CRTC3: variants seen among roughly 807,000 people sequenced by gnomAD.
CRTC3 encodes the protein CREB regulated transcription coactivator 3, also known as CREB-regulated transcription coactivator 3.
Under a neutral mutation model 74.5 loss-of-function variants are expected in CRTC3, and 26 were observed. The observed-to-expected ratio is 0.35, with a 90% CI of 0.26 to 0.48. CRTC3 has a LOEUF of 0.48. CRTC3 is among the 20% of genes least tolerant of loss of function. CRTC3 has a pLI of 0.99. For synonymous variants in CRTC3, 377 were observed against 325.8 expected, an observed-to-expected ratio of 1.16 and a Z score of -1.69; for missense variants, 760 against 787.3, an observed-to-expected ratio of 0.97 and a Z score of 0.41.
In CRTC3 at chr15:90,643,761, G is replaced by C. The variant is rs1262194561; in HGVS notation, c.*1621G>C. 1.3e-5 allele frequency: 3 copies of C among 232,900 alleles called. No individual in the cohort carries two copies. Among genetic ancestry groups the C allele is most frequent in the Non-Finnish European group, 2.5e-5 (3 of 118,006 alleles). The allele number at this position is 232,900 out of a possible 1,614,324, so 14.4% of individuals were successfully genotyped here. ...GTCTAGGCTGTGAGAGGACAGGGTG[G>C]AGAGGAGGAGAACCCTGAAGGAGAG... On this transcript the variant is annotated 3_prime_UTR_variant, in exon 15 of 15. Transcript: ENST00000268184.
rs778318134 is a variant in CRTC3 at position 90,540,035 on chromosome 15, C to G, written c.133-4C>G. On this transcript the variant is annotated splice_region_variant and splice_polypyrimidine_tract_variant and intron_variant, in intron 1 of 14. Transcript: ENST00000268184. ...TCAGCGTTCTTAAATCACTTTGTTT[C>G]CAGGTTCAATTTCAGAAGCTTCAGC... The G allele has an allele frequency of 3.1e-6, 5 of 1,607,298 alleles. No homozygotes were observed. Among genetic ancestry groups the G allele is most frequent in the Non-Finnish European group, 4.3e-6 (5 of 1,174,170 alleles).
At chr15:90,581,815 C>T (rs1408990452) in intron 2 of CRTC3, among the ~76,000 whole-genome samples, 3 of 152,112 alleles carry the variant, frequency 2.0e-5, no homozygotes, top group Non-Finnish European at 1.5e-5. Flanking sequence ...TGAATCACAG[C>T]GGTGGATCTG....
chr15:90,641,281 A>G (rs934725278), intron 14 of CRTC3, 82 bp downstream of exon 14: 7 of 940,078 alleles, frequency 7.4e-6, no homozygotes, highest in Non-Finnish European at 1.2e-5. Context: ...TTTAAACAAC[A>G]TAATATTATA....
intron 5 of CRTC3, 54 bp downstream of exon 5, chr15:90,604,501 G>T: frequency 7.4e-7 from 1 of 1,344,830 alleles, no homozygotes; most frequent in South Asian, 1.2e-5. Context: ...TAACTGTCCT[G>T]ATATTTTTTA....
intron 6 of CRTC3, chr15:90,614,137 T>C (rs146653462): frequency 1.4e-3 from 375 of 261,194 alleles, no homozygotes; most frequent in African/African-American, 8.0e-3. Flanking sequence ...CCATCTATAC[T>C]TCTTTACTTT....
chr15:90,589,324 G>A (rs1335032833), intron 2 of CRTC3, among the ~76,000 whole-genome samples: 1 of 151,768 alleles, frequency 6.6e-6, no homozygotes, highest in Non-Finnish European at 1.5e-5. Flanking sequence ...CAAAGTGCTG[G>A]GATTACAGGC....
At chr15:90,626,225 C>T (rs925903550) in intron 10 of CRTC3, among the ~76,000 whole-genome samples, 2 of 152,224 alleles carry the variant, frequency 1.3e-5, no homozygotes, top group African/African-American at 2.4e-5. Flanking sequence ...CATCCTCACT[C>T]GCTGCTCTAT....
intron 2 of CRTC3, among the ~76,000 whole-genome samples, chr15:90,562,637 G>A (rs77472222): frequency 0.053 from 8,022 of 151,852 alleles, 286 homozygotes; most frequent in Middle Eastern, 0.088. Context: ...TCACTCCCCC[G>A]GCCACCTGAG....
At chr15:90,559,366 A>G (rs1251762039) in intron 2 of CRTC3, among the ~76,000 whole-genome samples, 1 of 152,212 alleles carries the variant, frequency 6.6e-6, no homozygotes, top group Non-Finnish European at 1.5e-5. Context: ...GACCTGAGCC[A>G]CCACACAAGT....
chr15:90,641,989 A>T lies in CRTC3; in HGVS notation c.1709A>T (p.Glu570Val), dbSNP rs756155791. The T allele has an allele frequency of 6.2e-7, 1 of 1,613,864 alleles. No individual in the cohort carries two copies. The highest frequency in any genetic ancestry group is 1.7e-4 in the Middle Eastern group (1 of 6,058). Residue 570 changes from glutamate (E) to valine (V), a missense_variant, in exon 15 of 15, where the codon GAG becomes GTG. Physicochemically the swap from Glu to Val is moderately radical, Grantham distance 121. Around this residue, in one of 2 missense-constraint regions of CRTC3, gnomAD observed 652 missense variants for 635.2 expected, o/e 1.03. Transcript: ENST00000268184. Reference protein sequence around the residue: ...DLNSALAGLPEVSLNVDTPFP... With the variant: ...DLNSALAGLPVVSLNVDTPFP... ...AACAGTGCGCTGGCAGGCCTGCCTG[A>T]GGTCAGCCTGAACGTGGACACTCCA...
chr15:90,616,241 A>T (rs1361095554), intron 7 of CRTC3, among the ~76,000 whole-genome samples: 1 of 152,226 alleles, frequency 6.6e-6, no homozygotes, highest in Non-Finnish European at 1.5e-5. Context: ...GGCCTGGTTT[A>T]GCAGAAATGA....
At chr15:90,619,361 G>C (rs1348851458) in intron 8 of CRTC3, among the ~76,000 whole-genome samples, 1 of 152,178 alleles carries the variant, frequency 6.6e-6, no homozygotes, top group Non-Finnish European at 1.5e-5. Flanking sequence ...GGAGGCTGAG[G>C]CAGGAGAATC....
chr15:90,568,075 T>C (rs1967167573), intron 2 of CRTC3, among the ~76,000 whole-genome samples: 1 of 152,174 alleles, frequency 6.6e-6, no homozygotes, highest in African/African-American at 2.4e-5. Context: ...TGGATGACTT[T>C]GAGGGGTTCA....
In CRTC3 at chr15:90,529,961, C is replaced by T; in HGVS notation, c.-111C>T. On this transcript the variant is annotated 5_prime_UTR_variant, in exon 1 of 15. Coordinates refer to ENST00000268184, the MANE Select transcript of CRTC3 (RefSeq NM_022769.5). ...CGGCGGCTCCTCTGCCGGGTCGCGC[C>T]GGACGACTGGCTTCGGGCGGCGGCC... The T allele has an allele frequency of 1.1e-6, 1 of 876,680 alleles. No homozygotes were observed. The highest frequency in any genetic ancestry group is 1.4e-6 in the Non-Finnish European group (1 of 704,846). 54.3% of individuals were successfully genotyped at this position (876,680 alleles called of 1,614,324 possible). A position where few individuals can be genotyped will look rare whatever the true frequency, so the allele number is the denominator to read the frequency against.
chr15:90,582,112 C>T (rs116472054), intron 2 of CRTC3, among the ~76,000 whole-genome samples: 23 of 152,344 alleles, frequency 1.5e-4, no homozygotes, highest in African/African-American at 5.1e-4. Context: ...CTTTCTATCA[C>T]CATAAGAAGC....
intron 10 of CRTC3, among the ~76,000 whole-genome samples, chr15:90,627,625 T>C (rs1464460892): frequency 1.3e-5 from 2 of 151,752 alleles, no homozygotes; most frequent in Admixed American, 1.3e-4. Context: ...TATTTTCTTT[T>C]TTTTTTTTCT....
chr15:90,638,631 G>A lies in CRTC3; in HGVS notation c.1452G>A (p.Gln484=), dbSNP rs146754879. The change falls in exon 12 of 15, where the codon CAG becomes CAA. Residue 484 remains glutamine (Q), a synonymous_variant. Transcript: ENST00000268184. ...AASSLPQSDF[Q]LLPAQGSSLT... ...CCTCACTGCCACAGTCAGACTTTCA[G>A]CTTCTCCCGGCCCAGGTGAGTTCTG... 6.2e-7 allele frequency: 1 copy of A among 1,613,466 alleles called. No homozygotes were observed. Among genetic ancestry groups the A allele is most frequent in the African/African-American group, 1.3e-5 (1 of 74,922 alleles).
intron 1 of CRTC3, among the ~76,000 whole-genome samples, chr15:90,535,799 TTATC>T (rs1264452388): frequency 2.0e-5 from 3 of 152,200 alleles, no homozygotes; most frequent in African/African-American, 7.2e-5. Context: ...TCACATGTTG[TTATC>T]TCACATAGTC....
chr15:90,617,963 A>T lies in CRTC3; in HGVS notation c.694A>T (p.Lys232Ter). ...ACTGCCAAAACAACTGTGGGAGACC[A>T]AGGAGGTGGGTGAACAGTACTCAGC... ...KPLPKQLWETKEIQSLSGRPR... is the reference protein window; with the variant it reads ...KPLPKQLWET The change falls in exon 8 of 15, where the codon AAG becomes TAG. Residue 232 changes from lysine to a stop codon, truncating the protein, a stop_gained. Coordinates refer to ENST00000268184, the MANE Select transcript of CRTC3 (RefSeq NM_022769.5). LOFTEE classifies it high-confidence loss of function. 6.2e-7 allele frequency: 1 copy of T among 1,601,602 alleles called. No homozygotes were observed.
Sources: allele counts gnomAD v4.1 joint callset (sites outside exome capture counted in the v4.1 genomes callset), GRCh38; gene constraint gnomAD v4.1.1; regional missense constraint gnomAD v4.1.1; transcripts MANE v1.5; gene names NCBI Gene and HGNC (gene_info 2026-07-23, HGNC 2026-07-21).